The following NCKAP5 variants were observed in gnomAD, a reference collection of about 807,000 sequenced individuals.
NCKAP5 encodes nck-associated protein 5.
A neutral mutation model predicts 167.0 loss-of-function variants in NCKAP5; 92 were observed. The ratio of observed to expected loss-of-function variants is 0.55; its 90% CI spans 0.47 to 0.66. NCKAP5 has a LOEUF of 0.66. Among genes scored for constraint, NCKAP5 ranks in the 30% least tolerant of loss-of-function variants. NCKAP5 has a pLI of 0.00. For synonymous variants in NCKAP5, 891 were observed against 877.4 expected, an observed-to-expected ratio of 1.02 and a Z score of -0.27; for missense variants, 2,378 against 2,315.0, an observed-to-expected ratio of 1.03 and a Z score of -0.56.
chr2:133,657,517 T>G, the NCKAP5 span, among the ~76,000 whole-genome samples: 1 of 152,230 alleles, frequency 6.6e-6, no homozygotes, highest in Admixed American at 6.5e-5. Flanking sequence ...GAAAACTGCC[T>G]GTAATTTCCA....
intron 3 of NCKAP5, among the ~76,000 whole-genome samples, chr2:133,405,125 C>T (rs1441861455): frequency 2.0e-5 from 3 of 152,198 alleles, no homozygotes; most frequent in Non-Finnish European, 4.4e-5. Context: ...AAATCCTGAA[C>T]CATTGCTCCT....
At chr2:133,137,623 C>A (rs1444283678) in intron 5 of NCKAP5, among the ~76,000 whole-genome samples, 1 of 151,974 alleles carries the variant, frequency 6.6e-6, no homozygotes, top group Non-Finnish European at 1.5e-5. Flanking sequence ...AGGTGAAGCA[C>A]CCCATATGAC....
chr2:133,539,805 G>GA (rs1686071965), intron 2 of NCKAP5, among the ~76,000 whole-genome samples: 1 of 152,160 alleles, frequency 6.6e-6, no homozygotes, highest in Admixed American at 6.5e-5. Context: ...AAGGAATTCT[G>GA]AAAAGAGAAA....
At chr2:133,335,399 G>A (rs757101874) in intron 3 of NCKAP5, among the ~76,000 whole-genome samples, 18 of 152,146 alleles carry the variant, frequency 1.2e-4, no homozygotes, top group Non-Finnish European at 1.9e-4. Flanking sequence ...GCTGGGCTGG[G>A]TGTACCTTTT....
chr2:133,449,008 T>G (rs950116250), intron 3 of NCKAP5, among the ~76,000 whole-genome samples: 2 of 152,248 alleles, frequency 1.3e-5, no homozygotes, highest in African/African-American at 4.8e-5. Flanking sequence ...TGAGAGAGGA[T>G]GTTCTTATTA....
intron 8 of NCKAP5, among the ~76,000 whole-genome samples, chr2:132,895,048 A>T (rs991435739): frequency 2.0e-5 from 3 of 152,062 alleles, no homozygotes; most frequent in Non-Finnish European, 4.4e-5. Context: ...AATCGAAATA[A>T]GGGCCGGGCG....
chr2:132,728,827 T>G lies in NCKAP5; in HGVS notation c.5569A>C (p.Thr1857Pro). ...CCCCGACCCCTCACCTGGGTCCCGG[T>G]GGCAGCAACTTCACTCCCCCAGTCT... ...LPDWGSEVAA[T>P]GTQDKAPRMC... is the part of the protein sequence containing the mutation. Residue 1857 changes from threonine (T) to proline (P), a missense_variant, in exon 18 of 20, where the codon ACC becomes CCC. Physicochemically the swap from Thr to Pro is conservative, Grantham distance 38 (BLOSUM62 -1). This residue lies in a region of NCKAP5 where 1,325 missense variants were observed against 1,274.5 expected (regional missense o/e 1.04). Coordinates refer to ENST00000409261, the MANE Select transcript of NCKAP5 (RefSeq NM_207363.3). The G allele has an allele frequency of 6.2e-7, 1 of 1,613,844 alleles. No homozygotes were observed. The highest frequency in any genetic ancestry group is 8.5e-7 in the Non-Finnish European group (1 of 1,179,820).
chr2:132,986,418 C>A (rs538427776), intron 7 of NCKAP5, among the ~76,000 whole-genome samples: 1 of 152,230 alleles, frequency 6.6e-6, no homozygotes, highest in Admixed American at 6.5e-5. Flanking sequence ...AGAGTACCAG[C>A]CCGCATCACT....
At chr2:133,123,785 A>T in intron 6 of NCKAP5, 1 of 471,178 alleles carries the variant, frequency 2.1e-6, no homozygotes, top group South Asian at 1.5e-5. Context: ...TCATCTTGTT[A>T]CATTTTCCTC....
rs980822573 is a variant in NCKAP5 at position 133,511,057 on chromosome 2, A to G, written c.69+6401T>C. Among the ~76,000 whole-genome samples the G allele has an allele frequency of 5.3e-5, 8 of 152,312 alleles. No homozygotes were observed. In the South Asian group the frequency reaches 1.7e-3, roughly 32 times the overall value. ...CTGGTTGAGACTTAATGCATGATTC[A>G]CTAAGTGAACATGCTGAGCTGTCTG... On this transcript the variant is annotated intron_variant, in intron 3 of 19. Coordinates refer to ENST00000409261, the MANE Select transcript of NCKAP5 (RefSeq NM_207363.3).
chr2:133,177,120 A>T (rs2084495409), intron 5 of NCKAP5, among the ~76,000 whole-genome samples: 2 of 150,946 alleles, frequency 1.3e-5, no homozygotes, highest in African/African-American at 4.9e-5. Context: ...GAAATACTGG[A>T]GTCAACACTC....
intron 12 of NCKAP5, among the ~76,000 whole-genome samples, chr2:132,794,263 T>TATATATATATATAG (rs762281677): frequency 8.4e-5 from 1 of 11,916 alleles, no homozygotes. Context: ...TATATATATA[T>TATATATATATATAG]AGAGAGAGAG....
At chr2:133,011,477 G>C (rs1037626328) in intron 6 of NCKAP5, among the ~76,000 whole-genome samples, 1 of 152,220 alleles carries the variant, frequency 6.6e-6, no homozygotes, top group African/African-American at 2.4e-5. Flanking sequence ...GCAGCAACCA[G>C]TTAGAACACG....
chr2:133,056,402 T>C (rs906531620), intron 6 of NCKAP5, among the ~76,000 whole-genome samples: 1 of 152,178 alleles, frequency 6.6e-6, no homozygotes, highest in Non-Finnish European at 1.5e-5. Flanking sequence ...TGGTATATAA[T>C]AGTTATTTAA....
At chr2:132,725,016 C>G (rs1690310652) in intron 19 of NCKAP5, among the ~76,000 whole-genome samples, 2 of 152,100 alleles carry the variant, frequency 1.3e-5, no homozygotes, top group East Asian at 3.9e-4. Context: ...TCTGACAATC[C>G]AGAATGAATT....
intron 3 of NCKAP5, among the ~76,000 whole-genome samples, chr2:133,510,938 A>G (rs1683433730): frequency 6.6e-6 from 1 of 152,228 alleles, no homozygotes; most frequent in Non-Finnish European, 1.5e-5. Context: ...TAAATATTAA[A>G]TGGTAGTTTC....
chr2:133,100,054 A>G (rs2081459836), intron 6 of NCKAP5, among the ~76,000 whole-genome samples: 1 of 152,176 alleles, frequency 6.6e-6, no homozygotes, highest in African/African-American at 2.4e-5. Flanking sequence ...ATCTCCTCCT[A>G]CCTCTCTAAA....
intron 9 of NCKAP5, 102 bp downstream of exon 9, chr2:132,878,746 T>C (rs1691516337): frequency 2.3e-6 from 2 of 855,604 alleles, no homozygotes; most frequent in South Asian, 2.9e-5. Context: ...GAGAAAATGC[T>C]GATGTTTTGT....
At chr2:132,976,968 G>A (rs1449329679) in intron 7 of NCKAP5, among the ~76,000 whole-genome samples, 1 of 151,974 alleles carries the variant, frequency 6.6e-6, no homozygotes, top group Non-Finnish European at 1.5e-5. Flanking sequence ...AAAAGCAACT[G>A]CTTCTATAAA....
Sources: allele counts gnomAD v4.1 joint callset (sites outside exome capture counted in the v4.1 genomes callset), GRCh38; gene constraint gnomAD v4.1.1; regional missense constraint gnomAD v4.1.1; transcripts MANE v1.5; gene names NCBI Gene and HGNC (gene_info 2026-07-23, HGNC 2026-07-21).